Variants in PUM3 observed in about 807,000 individuals in gnomAD.
The protein encoded by PUM3 is pumilio homolog 3.
Under a neutral mutation model 84.0 loss-of-function variants are expected in PUM3, and 91 were observed. The observed-to-expected ratio is 1.08, with a 90% confidence interval of 0.91 to 1.29. The LOEUF (loss-of-function observed/expected upper bound fraction) is 1.29. Among genes scored for constraint, PUM3 ranks in the 50% most tolerant of loss-of-function variants. The pLI, the probability that PUM3 is intolerant of heterozygous loss-of-function variation, is 0.00. For synonymous variants in PUM3, 321 were observed against 266.7 expected, an observed-to-expected ratio of 1.20 and a Z score of -1.98; for missense variants, 1,067 against 767.5, an observed-to-expected ratio of 1.39 and a Z score of -4.61.
At chr9:2,820,388 A>G (rs1355446108) in intron 12 of PUM3, among the ~76,000 whole-genome samples, 1 of 152,100 alleles carries the variant, frequency 6.6e-6, no homozygotes, top group Non-Finnish European at 1.5e-5. Context: ...ACCTATTTAC[A>G]TAGGTTACTG....
intron 14 of PUM3, 24 bp from the exon 15 acceptor site, chr9:2,811,607 A>G (rs771025510): frequency 4.4e-6 from 7 of 1,573,060 alleles, no homozygotes; most frequent in South Asian, 4.4e-5. Flanking sequence ...TGAACGGGGT[A>G]TTAAGGTAAG....
intron 7 of PUM3, 23 bp downstream of exon 7, chr9:2,830,939 A>T (rs1815958780): frequency 6.8e-6 from 8 of 1,170,272 alleles, no homozygotes; most frequent in African/African-American, 1.5e-5. Flanking sequence ...GAAAAAATGT[A>T]TTTTATACAT....
Position 2,829,916 on chromosome 9 carries a change from C to T in PUM3, c.710G>A (p.Ser237Asn). ...CATCTTCCTCACGTGGCCTTTAAAA[C>T]TTCTGATTATCTCTGCAATCTGTGG... ...SKPQIAEIIR[S>N]FKGHVRKMLR... The change falls in exon 8 of 18, where the codon AGT becomes AAT. Residue 237 changes from serine to asparagine, a missense_variant. Transcript: ENST00000397885. 1.2e-6 allele frequency: 2 copies of T among 1,613,584 alleles called. No homozygotes were observed. Among genetic ancestry groups the T allele is most frequent in the Non-Finnish European group, 1.7e-6 (2 of 1,179,612 alleles).
chr9:2,821,360 C>G (rs928543275), intron 12 of PUM3, among the ~76,000 whole-genome samples: 1 of 142,746 alleles, frequency 7.0e-6, no homozygotes, highest in African/African-American at 2.6e-5. Context: ...AGGAGAATGG[C>G]GTGAACCTGG....
At position 2,834,077 on chromosome 9, in the gene PUM3, A is replaced by G. The variant is rs1283639483; in HGVS notation, c.394T>C (p.Tyr132His). The G allele has an allele frequency of 3.7e-6, 6 of 1,613,474 alleles. No homozygotes were observed. The highest frequency in any genetic ancestry group is 4.2e-6 in the Non-Finnish European group (5 of 1,179,638). The change falls in exon 4 of 18, where the codon TAT becomes CAT. Residue 132 changes from tyrosine to histidine, a missense_variant. Coordinates refer to ENST00000397885, the MANE Select transcript of PUM3 (RefSeq NM_014878.5). ...QSRQLSDKTN[Y>H]DIVVRAKQMW... Reference sequence around the variant, plus strand: ...TGCTTTGCCCGAACAACAATGTCATAGTTGGTTTTATCACTGAGTTGTCTG... The same window carrying G: ...TGCTTTGCCCGAACAACAATGTCATGGTTGGTTTTATCACTGAGTTGTCTG...
chr9:2,825,723 G>A (rs1210839573), intron 10 of PUM3, among the ~76,000 whole-genome samples: 5 of 152,012 alleles, frequency 3.3e-5, no homozygotes, highest in Non-Finnish European at 7.4e-5. Flanking sequence ...CTTGTGATCT[G>A]CCCGCCTCGG....
At chr9:2,820,191 A>T in intron 12 of PUM3, 93 bp from the exon 13 acceptor site, 1 of 476,220 alleles carries the variant, frequency 2.1e-6, no homozygotes, top group Non-Finnish European at 3.7e-6. Flanking sequence ...AGGTAGAGCG[A>T]GACTCCGCTC....
At position 2,823,176 on chromosome 9, in the gene PUM3, A is replaced by G. The variant is rs546733266; in HGVS notation, c.1188+605T>C. On this transcript the variant is annotated intron_variant, in intron 12 of 17. Transcript: ENST00000397885. Reference sequence around the variant, plus strand: ...TAGCAACAGCATGAAAAATTATTTAATAACTAAAAACATATAAACACTATT... The same window carrying G: ...TAGCAACAGCATGAAAAATTATTTAGTAACTAAAAACATATAAACACTATT... Among the ~76,000 whole-genome samples, 13 of 152,176 alleles carry G rather than the reference A, an allele frequency of 8.5e-5. No homozygotes were observed. In the East Asian group the frequency reaches 2.5e-3, roughly 29 times the overall value.
chr9:2,832,615 C>G (rs1586727053), intron 5 of PUM3, among the ~76,000 whole-genome samples: 1 of 152,140 alleles, frequency 6.6e-6, no homozygotes, highest in Non-Finnish European at 1.5e-5. Context: ...GAGAAAGAAT[C>G]CTGAGTGAAA....
chr9:2,840,146 C>G (rs1434457423), intron 1 of PUM3, among the ~76,000 whole-genome samples: 1 of 152,172 alleles, frequency 6.6e-6, no homozygotes, highest in Non-Finnish European at 1.5e-5. Flanking sequence ...TCTGGTAGTA[C>G]TCTATCAAGA....
chr9:2,813,029 T>C (rs1289663262), intron 13 of PUM3, among the ~76,000 whole-genome samples: 1 of 152,220 alleles, frequency 6.6e-6, no homozygotes, highest in African/African-American at 2.4e-5. Flanking sequence ...TTAGGTTGCT[T>C]ATTCATGGCA....
chr9:2,842,053 T>C (rs1256423346), intron 1 of PUM3, among the ~76,000 whole-genome samples: 1 of 152,206 alleles, frequency 6.6e-6, no homozygotes, highest in Admixed American at 6.5e-5. Context: ...CTGTTTTGTC[T>C]TTTCCAGAAT....
Position 2,823,780 on chromosome 9 carries a change from C to G in PUM3, c.1188+1G>C. The G allele has an allele frequency of 7.1e-7, 1 of 1,401,380 alleles. No individual in the cohort carries two copies. Among genetic ancestry groups the G allele is most frequent in the Admixed American group, 1.9e-5 (1 of 53,912 alleles). The allele number at this position is 1,401,380 out of a possible 1,614,324, so 86.8% of individuals were successfully genotyped here. ...AGAATATGTAGTTTTATTATACTTA[C>G]ATTAGCCACCTTTTCAACATAAGTC... On this transcript the variant is annotated splice_donor_variant, in intron 12 of 17. Coordinates refer to ENST00000397885, the MANE Select transcript of PUM3 (RefSeq NM_014878.5). LOFTEE classifies it high-confidence loss of function.
At chr9:2,804,710 C>T (rs1446443144) in intron 17 of PUM3, among the ~76,000 whole-genome samples, 2 of 152,336 alleles carry the variant, frequency 1.3e-5, no homozygotes, top group Admixed American at 1.3e-4. Flanking sequence ...AACATCATTC[C>T]ATACAGAGTT....
chr9:2,808,196 C>G (rs1313491421), intron 16 of PUM3, among the ~76,000 whole-genome samples: 1 of 152,170 alleles, frequency 6.6e-6, no homozygotes, highest in Non-Finnish European at 1.5e-5. Context: ...GTCTGCACTT[C>G]TTTGTATTAT....
At chr9:2,833,196 T>C (rs548599572) in intron 5 of PUM3, among the ~76,000 whole-genome samples, 161 bp downstream of exon 5, 41 of 152,302 alleles carry the variant, frequency 2.7e-4, no homozygotes, top group Admixed American at 9.2e-4. Context: ...TCCCTCACTT[T>C]TAAATTTTTA....
At chr9:2,805,008 AG>A (rs1260495083) in intron 17 of PUM3, among the ~76,000 whole-genome samples, 1 of 152,170 alleles carries the variant, frequency 6.6e-6, no homozygotes, top group Non-Finnish European at 1.5e-5. Flanking sequence ...TTCACTGTGG[AG>A]CTTCACTGCT....
intron 12 of PUM3, among the ~76,000 whole-genome samples, chr9:2,822,068 G>A (rs1232932240): frequency 6.6e-6 from 1 of 152,102 alleles, no homozygotes; most frequent in African/African-American, 2.4e-5. Context: ...ACACACATAA[G>A]CATAACCAAG....
At chr9:2,815,970 T>A (rs1434594887) in intron 13 of PUM3, among the ~76,000 whole-genome samples, 1 of 152,200 alleles carries the variant, frequency 6.6e-6, no homozygotes, top group Non-Finnish European at 1.5e-5. Flanking sequence ...GAACTCCAGC[T>A]AGATACCTTG....
Sources: allele counts gnomAD v4.1 joint callset (sites outside exome capture counted in the v4.1 genomes callset), GRCh38; gene constraint gnomAD v4.1.1; transcripts MANE v1.5; gene names NCBI Gene and HGNC (gene_info 2026-07-23, HGNC 2026-07-21).